GLTP: variants seen among roughly 807,000 people sequenced by gnomAD.
GLTP encodes glycolipid transfer protein.
In GLTP, 22 loss-of-function variants were observed where a neutral mutation model predicts 24.0. That is an observed-to-expected ratio of 0.92 (90% CI 0.65 to 1.31). The LOEUF is 1.31. GLTP is among the 50% of genes most tolerant of loss of function. The pLI is 0.00. For missense variants in GLTP, 224 were observed against 276.6 expected, an observed-to-expected ratio of 0.81 and a Z score of 1.35; for synonymous variants, 92 against 115.9, an observed-to-expected ratio of 0.79 and a Z score of 1.33.
chr12:109,878,839 G>C (rs1316559325), intron 1 of GLTP, among the ~76,000 whole-genome samples: 2 of 152,194 alleles, frequency 1.3e-5, no homozygotes, highest in African/African-American at 4.8e-5. Flanking sequence ...CTTGCTCTCA[G>C]GTTGCTTACC....
chr12:109,855,818 C>T lies in GLTP; in HGVS notation c.297-49G>A, dbSNP rs762431096. ...TCGTTAGGACCCTGCACAGCCCTGTCGTGAAAGACCCTGATGGACTCTGAA... is the reference window on the plus strand; with the variant it reads ...TCGTTAGGACCCTGCACAGCCCTGTTGTGAAAGACCCTGATGGACTCTGAA... On this transcript the variant is annotated intron_variant, in intron 3 of 4. Coordinates refer to ENST00000318348, the MANE Select transcript of GLTP (RefSeq NM_016433.4). This position sits in a 1 kb window ranked among gnomAD's most constrained non-coding sequence, Gnocchi z 4.1. The T allele has an allele frequency of 3.4e-6, 5 of 1,453,376 alleles. No homozygotes were observed. The highest frequency in any genetic ancestry group is 2.5e-5 in the East Asian group (1 of 39,852). 90.0% of individuals were successfully genotyped at this position (1,453,376 alleles called of 1,614,324 possible).
rs1892743878 is a variant in GLTP, at chr12:109,852,741, G to C, written c.448-4C>G. The C allele has an allele frequency of 1.9e-6, 3 of 1,604,480 alleles. No homozygotes were observed. The highest frequency in any genetic ancestry group is 2.7e-5 in the African/African-American group (2 of 74,820). On this transcript the variant is annotated splice_region_variant and splice_polypyrimidine_tract_variant and intron_variant, in intron 4 of 4. Transcript: ENST00000318348. ...AGGGTGCTGCGTACAGTGCTGCCTT[G>C]AGACAGGCAAGAAGGGAGGTAGGCA...
intron 1 of GLTP, among the ~76,000 whole-genome samples, chr12:109,870,916 C>T (rs1868700428): frequency 1.3e-5 from 2 of 151,998 alleles, no homozygotes; most frequent in Admixed American, 1.3e-4. Context: ...TGATCCACTG[C>T]AATGACTTTG....
intron 1 of GLTP, among the ~76,000 whole-genome samples, chr12:109,878,773 G>C (rs968553014): frequency 4.6e-5 from 7 of 152,188 alleles, no homozygotes; most frequent in African/African-American, 1.7e-4. Flanking sequence ...CATCTGCTAT[G>C]TGCCAGGCAC....
rs1892807305 is a variant in GLTP at position 109,857,120 on chromosome 12, A to G, written c.296+406T>C. ...CATACAAATCCACTTTGTACGCGTG[A>G]CCAGCCCTAAACAGGACACCTTTGT... On this transcript the variant is annotated intron_variant, in intron 3 of 4. Transcript: ENST00000318348. The surrounding 1 kb of genome is among the most constrained non-coding windows in gnomAD (Gnocchi z 4.3). 6.6e-6 allele frequency among the ~76,000 whole-genome samples: 1 copy of G among 152,158 alleles called. No individual in the cohort carries two copies. The highest frequency in any genetic ancestry group is 2.4e-5 in the African/African-American group (1 of 41,424).
chr12:109,861,746 C>CA (rs10712603), intron 1 of GLTP, among the ~76,000 whole-genome samples: 2 of 151,392 alleles, frequency 1.3e-5, no homozygotes, highest in Non-Finnish European at 2.9e-5. Context: ...GACTCCACCT[C>CA]AAAAAAAAAT....
intron 1 of GLTP, among the ~76,000 whole-genome samples, chr12:109,861,326 C>A (rs1374421254): frequency 2.0e-5 from 3 of 152,230 alleles, no homozygotes; most frequent in Non-Finnish European, 4.4e-5. Context: ...TTCAGCCAGA[C>A]AGGGTGAGAA....
At position 109,852,013 on chromosome 12, in the gene GLTP, A is replaced by C. The variant is rs1407445849; in HGVS notation, c.*542T>G. On this transcript the variant is annotated 3_prime_UTR_variant, in exon 5 of 5. Transcript: ENST00000318348. ...CAGGCGTGCGCCACCATGCCCAGCTAATTTTTTATATTTTTAGTAGCGATG... is the reference window on the plus strand; with the variant it reads ...CAGGCGTGCGCCACCATGCCCAGCTCATTTTTTATATTTTTAGTAGCGATG... 1 of 152,128 alleles carries C rather than the reference A, an allele frequency of 6.6e-6. No homozygotes were observed. 9.4% of individuals were successfully genotyped at this position (152,128 alleles called of 1,614,324 possible). A position where few individuals can be genotyped will look rare whatever the true frequency, so the allele number is the denominator to read the frequency against.
chr12:109,855,786 A>G lies in GLTP; in HGVS notation c.297-17T>C, dbSNP rs200530112. Reference sequence around the variant, plus strand: ...CGGAGGCCTCTGTGGCCCAGGGAGGAGAAGGTTCGTTAGGACCCTGCACAG... The same window carrying G: ...CGGAGGCCTCTGTGGCCCAGGGAGGGGAAGGTTCGTTAGGACCCTGCACAG... On this transcript the variant is annotated splice_polypyrimidine_tract_variant and intron_variant, in intron 3 of 4. Transcript: ENST00000318348. This position sits in a 1 kb window ranked among gnomAD's most constrained non-coding sequence, Gnocchi z 4.1. The G allele has an allele frequency of 8.6e-5, 135 of 1,568,634 alleles. 1 individual carries two copies. Among genetic ancestry groups the G allele is most frequent in the Middle Eastern group, 6.9e-4 (4 of 5,810 alleles).
intron 3 of GLTP, among the ~76,000 whole-genome samples, chr12:109,856,656 G>C (rs923044121): frequency 5.9e-5 from 9 of 152,308 alleles, no homozygotes; most frequent in Non-Finnish European, 1.3e-4. Flanking sequence ...AAGTCAGGGT[G>C]GGGTGCTCTA....
chr12:109,879,766 G>A (rs1869006654), intron 1 of GLTP, among the ~76,000 whole-genome samples: 1 of 152,146 alleles, frequency 6.6e-6, no homozygotes, highest in Non-Finnish European at 1.5e-5. Flanking sequence ...AATTCTGAGG[G>A]AAGAAGGAAG....
intron 1 of GLTP, among the ~76,000 whole-genome samples, chr12:109,876,506 AGAAG>A (rs1241999656): frequency 4.6e-5 from 7 of 151,534 alleles, no homozygotes; most frequent in Middle Eastern, 3.4e-3. Context: ...AGAAAAACAG[AGAAG>A]AAAGAAAGAG....
Position 109,857,781 on chromosome 12 carries a change from A to C in GLTP, c.163-122T>G. 1.0e-6 allele frequency: 1 copy of C among 971,974 alleles called. No individual in the cohort carries two copies. The highest frequency in any genetic ancestry group is 2.4e-5 in the East Asian group (1 of 41,842). The allele number at this position is 971,974 out of a possible 1,614,324, so 60.2% of individuals were successfully genotyped here. On this transcript the variant is annotated intron_variant, in intron 2 of 4. Coordinates refer to ENST00000318348, the MANE Select transcript of GLTP (RefSeq NM_016433.4). This position sits in a 1 kb window ranked among gnomAD's most constrained non-coding sequence, Gnocchi z 4.3. ...CTCCTTCCTGCCCTCCAGGAACAGC[A>C]GGGATAAGACTTGTAACAATAACTA... is the stretch of plus-strand genomic sequence containing the variant.
At chr12:109,867,912 G>A (rs1019360376) in intron 1 of GLTP, among the ~76,000 whole-genome samples, 1 of 151,886 alleles carries the variant, frequency 6.6e-6, no homozygotes, top group African/African-American at 2.4e-5. Flanking sequence ...TGAGTAGCTG[G>A]GACTACAGGT....
At chr12:109,860,895 T>C (rs1868355424) in intron 1 of GLTP, among the ~76,000 whole-genome samples, 1 of 152,218 alleles carries the variant, frequency 6.6e-6, no homozygotes, top group Non-Finnish European at 1.5e-5. Context: ...GCAGGTTCTT[T>C]ACTGAGCAGG....
Position 109,855,556 on chromosome 12 carries a change from G to C in GLTP, c.447+63C>G, listed in dbSNP as rs1056352744. The stretch of plus-strand genomic sequence containing the variant: ...AGGCCAGGAGGCCTCGGCTAAGCAG[G>C]GGCAGAGTGGGGAGCAGAATCTGCA... On this transcript the variant is annotated intron_variant, in intron 4 of 4. Coordinates refer to ENST00000318348, the MANE Select transcript of GLTP (RefSeq NM_016433.4). The surrounding 1 kb of genome is among the most constrained non-coding windows in gnomAD (Gnocchi z 4.1). 7 of 1,425,102 alleles carry C rather than the reference G, an allele frequency of 4.9e-6. No homozygotes were observed. The South Asian group carries it at 9.8e-5, about 20-fold the overall frequency. 88.3% of individuals were successfully genotyped at this position (1,425,102 alleles called of 1,614,324 possible). A position where few individuals can be genotyped will look rare whatever the true frequency, so the allele number is the denominator to read the frequency against.
At chr12:109,854,365 CAAAAAAA>C (rs34720686) in intron 4 of GLTP, among the ~76,000 whole-genome samples, 1 of 97,632 alleles carries the variant, frequency 1.0e-5, no homozygotes. Context: ...GACCCTGTCT[CAAAAAAA>C]AAAAAAAAAA....
chr12:109,869,370 C>T (rs1459482099), intron 1 of GLTP, among the ~76,000 whole-genome samples: 1 of 150,048 alleles, frequency 6.7e-6, no homozygotes, highest in African/African-American at 2.4e-5. Context: ...ACTTCACCCT[C>T]ATGACATGCC....
intron 3 of GLTP, among the ~76,000 whole-genome samples, chr12:109,856,754 G>C (rs923664599): frequency 6.6e-5 from 10 of 152,192 alleles, no homozygotes; most frequent in African/African-American, 2.4e-4. Flanking sequence ...GGATGTATTT[G>C]TGCAAATTAG....
Sources: gnomAD v4.1 joint callset for allele counts (sites outside exome capture counted in the v4.1 genomes callset) on GRCh38, gnomAD v4.1.1 for gene constraint, Gnocchi (gnomAD v3.1) non-coding constraint, MANE v1.5 for transcripts, NCBI Gene and HGNC (gene_info 2026-07-23, HGNC 2026-07-21) for gene names.